MEF2C: variants seen among roughly 807,000 people sequenced by gnomAD.
The protein encoded by MEF2C is myocyte-specific enhancer factor 2C.
Under a neutral mutation model 50.5 loss-of-function variants are expected in MEF2C, and 6 were observed. The observed-to-expected ratio is 0.12, with a 90% confidence interval of 0.07 to 0.23. The LOEUF is 0.23. Among genes scored for constraint, MEF2C ranks in the 10% least tolerant of loss-of-function variants. MEF2C has a pLI of 1.00. For missense variants in MEF2C, 276 were observed against 605.0 expected, an observed-to-expected ratio of 0.46 and a Z score of 5.70; for synonymous variants, 183 against 228.0, an observed-to-expected ratio of 0.80 and a Z score of 1.78.
rs1418876723 is a variant in MEF2C at position 88,738,747 on chromosome 5, G to C, written c.638-6846C>G. 5 of 985,236 alleles carry C rather than the reference G, an allele frequency of 5.1e-6. No individual in the cohort carries two copies. In the African/African-American group the frequency reaches 7.0e-5, roughly 14 times the overall value. 61.0% of individuals were successfully genotyped at this position (985,236 alleles called of 1,614,324 possible). On this transcript the variant is annotated intron_variant, in intron 6 of 10. Coordinates refer to ENST00000504921, the MANE Select transcript of MEF2C (RefSeq NM_002397.5). ...GGTTGTCCTAAGCCAGAGGTGATGT[G>C]CAAGTTTGAGGGACATGTTGTAAGG...
At chr5:88,739,505 C>T (rs1765573341) in intron 6 of MEF2C, 1 of 974,986 alleles carries the variant, frequency 1.0e-6, no homozygotes, top group Non-Finnish European at 1.2e-6. Context: ...TTGTTTTGTG[C>T]CTCAAATGAA....
intron 3 of MEF2C, among the ~76,000 whole-genome samples, chr5:88,803,165 A>G (rs1360878753): frequency 6.6e-6 from 1 of 152,238 alleles, no homozygotes; most frequent in Non-Finnish European, 1.5e-5. Context: ...AGTGATCCTA[A>G]ATTTCAAGAT....
At chr5:88,748,470 G>A (rs73770404) in intron 6 of MEF2C, among the ~76,000 whole-genome samples, 54 of 152,246 alleles carry the variant, frequency 3.5e-4, no homozygotes, top group African/African-American at 1.2e-3. Context: ...AAATTAACAC[G>A]GAAACCTGGA....
intron 1 of MEF2C, among the ~76,000 whole-genome samples, chr5:88,875,255 A>C (rs569462609): frequency 1.3e-5 from 2 of 152,142 alleles, no homozygotes; most frequent in East Asian, 3.9e-4. Flanking sequence ...AGCATAAAAC[A>C]AATCTGAAAA....
At chr5:88,790,454 T>C (rs145421673) in intron 3 of MEF2C, among the ~76,000 whole-genome samples, 148 of 152,286 alleles carry the variant, frequency 9.7e-4, no homozygotes, top group African/African-American at 3.2e-3. Context: ...ACTCTGGTGA[T>C]TCACACTGGG....
chr5:88,782,182 T>A (rs780815210), intron 3 of MEF2C: 3 of 981,790 alleles, frequency 3.1e-6, no homozygotes, highest in South Asian at 4.7e-5. Context: ...AAAATAAACC[T>A]CCTAGGCCAG....
In MEF2C at chr5:88,849,853, T is replaced by C. The variant is rs553864649; in HGVS notation, c.-142-25923A>G. Among the ~76,000 whole-genome samples the C allele has an allele frequency of 6.6e-5, 10 of 152,236 alleles. No individual in the cohort carries two copies. In the South Asian group the frequency reaches 2.1e-3, roughly 32 times the overall value. ...GGGTAGCTTGTAGGATAATGTAGGA[T>C]TATGTGGTAATTATAAAATCTATTT... On this transcript the variant is annotated intron_variant, in intron 1 of 10. Coordinates refer to ENST00000504921, the MANE Select transcript of MEF2C (RefSeq NM_002397.5).
At chr5:88,727,157 C>T (rs1263915909) in intron 10 of MEF2C, among the ~76,000 whole-genome samples, 2 of 152,124 alleles carry the variant, frequency 1.3e-5, no homozygotes, top group South Asian at 2.1e-4. Context: ...GAAGTTCCCA[C>T]AGTTAATGTC....
intron 3 of MEF2C, chr5:88,768,704 G>C: frequency 2.0e-6 from 2 of 985,126 alleles, no homozygotes; most frequent in Non-Finnish European, 2.4e-6. Context: ...AAATGTTAGA[G>C]GGAGGAAGAT....
rs1160466943 is a variant in MEF2C, at chr5:88,840,096, C to CCGTA, written c.-142-16170_-142-16167dup. ...TCATTTTTCCCTCCTTCAGATAATACCGTACCCAAATTATTTCACAAAGAT... is the reference window on the plus strand; with the variant it reads ...TCATTTTTCCCTCCTTCAGATAATACCGTACGTACCCAAATTATTTCACAAAGAT... On this transcript the variant is annotated intron_variant, in intron 1 of 10. Coordinates refer to ENST00000504921, the MANE Select transcript of MEF2C (RefSeq NM_002397.5). Among the ~76,000 whole-genome samples the CCGTA allele has an allele frequency of 1.2e-4, 19 of 152,206 alleles. No homozygotes were observed. In the South Asian group the frequency reaches 3.7e-3, roughly 30 times the overall value.
chr5:88,851,189 C>T (rs906905571), intron 1 of MEF2C, among the ~76,000 whole-genome samples: 12 of 144,368 alleles, frequency 8.3e-5, no homozygotes, highest in Admixed American at 1.4e-4. Flanking sequence ...GCCGAGATCG[C>T]GCAACTGCAC....
intron 1 of MEF2C, chr5:88,825,445 T>G: frequency 1.0e-6 from 1 of 972,408 alleles, no homozygotes; most frequent in Non-Finnish European, 1.2e-6. Flanking sequence ...AGTAACATTA[T>G]GACCACACAG....
At chr5:88,834,457 A>T (rs1336037603) in intron 1 of MEF2C, among the ~76,000 whole-genome samples, 1 of 152,212 alleles carries the variant, frequency 6.6e-6, no homozygotes, top group Admixed American at 6.5e-5. Context: ...CGTGCCATGG[A>T]CACCACTGAA....
intron 2 of MEF2C, among the ~76,000 whole-genome samples, chr5:88,816,710 T>C (rs1805603105): frequency 6.6e-6 from 1 of 151,868 alleles, no homozygotes; most frequent in Non-Finnish European, 1.5e-5. Context: ...CTGATGGGTA[T>C]GATGTCCTAA....
rs781152970 is a variant in MEF2C at position 88,751,416 on chromosome 5, T to TA, written c.589+440dup. On this transcript the variant is annotated intron_variant, in intron 5 of 10. Coordinates refer to ENST00000504921, the MANE Select transcript of MEF2C (RefSeq NM_002397.5). ...TTTGTGGGATAAGTTACTGTATAAA[T>TA]AAAAAAAAATTGACCCAAATAATAA... 2.5e-4 allele frequency: 247 copies of TA among 982,836 alleles called. No homozygotes were observed. In the East Asian group the frequency reaches 7.5e-3, roughly 30 times the overall value. The allele number at this position is 982,836 out of a possible 1,614,324, so 60.9% of individuals were successfully genotyped here.
intron 3 of MEF2C, chr5:88,773,025 C>T (rs750182712): frequency 6.6e-5 from 39 of 589,014 alleles, no homozygotes; most frequent in Non-Finnish European, 8.3e-5. Flanking sequence ...GAGTGCAGAG[C>T]GTCACTGGGA....
At chr5:88,879,139 T>C (rs1234459459) in intron 1 of MEF2C, among the ~76,000 whole-genome samples, 1 of 151,924 alleles carries the variant, frequency 6.6e-6, no homozygotes, top group Non-Finnish European at 1.5e-5. Flanking sequence ...AAATGCAATG[T>C]TTACATTTAT....
chr5:88,786,049 T>C (rs1790718958), intron 3 of MEF2C, among the ~76,000 whole-genome samples: 2 of 152,114 alleles, frequency 1.3e-5, no homozygotes, highest in African/African-American at 4.8e-5. Context: ...AGGCTATTTT[T>C]AGTTAAGCAG....
In MEF2C at chr5:88,816,465, C is replaced by CTT. The variant is rs70996497; in HGVS notation, c.54+7268_54+7269dup. On this transcript the variant is annotated intron_variant, in intron 2 of 10. Coordinates refer to ENST00000504921, the MANE Select transcript of MEF2C (RefSeq NM_002397.5). ...ATACATCTGAGCATTCTGCCTACTG[C>CTT]TTTTTTTTTTTTTTTTTTTTTTTTT... Among the ~76,000 whole-genome samples the CTT allele has an allele frequency of 7.9e-3, 676 of 86,104 alleles. 10 individuals carry two copies. Among genetic ancestry groups the CTT allele is most frequent in the African/African-American group, 0.021 (447 of 21,244 alleles). The allele number at this position is 86,104 out of a possible 152,430, so 56.5% of individuals were successfully genotyped here.
Sources: gnomAD v4.1 joint callset for allele counts (sites outside exome capture counted in the v4.1 genomes callset) on GRCh38, gnomAD v4.1.1 for gene constraint, MANE v1.5 for transcripts, NCBI Gene and HGNC (gene_info 2026-07-23, HGNC 2026-07-21) for gene names.